Variants in PCDHGB3 observed in about 807,000 individuals in gnomAD.
The protein encoded by PCDHGB3 is protocadherin gamma subfamily B, 3.
A neutral mutation model predicts 59.2 loss-of-function variants in PCDHGB3; 40 were observed. That is an observed-to-expected ratio of 0.68 (90% CI 0.52 to 0.88). PCDHGB3 has a LOEUF of 0.88. Among genes scored for constraint, PCDHGB3 ranks in the 40% least tolerant of loss-of-function variants. The pLI, the probability that PCDHGB3 is intolerant of heterozygous loss-of-function variation, is 0.00. For synonymous variants in PCDHGB3, 581 were observed against 503.6 expected (o/e 1.15, Z -2.06); for missense variants, 1,309 against 1,187.9 (o/e 1.10, Z -1.50).
chr5:141,392,628 A>T (rs2092566593), intron 1 of PCDHGB3: 1 of 588,334 alleles, frequency 1.7e-6, no homozygotes, highest in South Asian at 2.7e-5. Context: ...AAACACTCAG[A>T]TCTCACACCT....
Position 141,485,089 on chromosome 5 carries a change from G to A in PCDHGB3, c.2416-9718G>A. The stretch of plus-strand genomic sequence containing the variant: ...GAGCTGGCGCGGGGAAAGGGAGATA[G>A]GTGTCTCCAGCTGCTGTGGCTGTTT... On this transcript the variant is annotated intron_variant, in intron 1 of 3. Coordinates refer to ENST00000576222, the MANE Select transcript of PCDHGB3 (RefSeq NM_018924.5). This position sits in a 1 kb window ranked among gnomAD's most constrained non-coding sequence, Gnocchi z 5.7. 1 of 1,027,236 alleles carries A rather than the reference G, an allele frequency of 9.7e-7. No homozygotes were observed. The highest frequency in any genetic ancestry group is 1.5e-6 in the Non-Finnish European group (1 of 674,564). 63.6% of individuals were successfully genotyped at this position (1,027,236 alleles called of 1,614,324 possible). A position where few individuals can be genotyped will look rare whatever the true frequency, so the allele number is the denominator to read the frequency against.
intron 1 of PCDHGB3, chr5:141,403,819 T>A (rs1264553327): frequency 1.2e-6 from 2 of 1,613,784 alleles, no homozygotes; most frequent in Admixed American, 3.3e-5. Flanking sequence ...AAAAACAATC[T>A]CTGCTATTCC....
intron 1 of PCDHGB3, among the ~76,000 whole-genome samples, chr5:141,454,796 ATTTTTTTTT>A (rs61612330): frequency 1.2e-4 from 9 of 77,408 alleles, no homozygotes; most frequent in Admixed American, 5.4e-4. Context: ...CATGGTTCTA[ATTTTTTTTT>A]TTTTTTTTTT....
Position 141,489,978 on chromosome 5 carries a change from T to C in PCDHGB3, c.2416-4829T>C. 6.2e-7 allele frequency: 1 copy of C among 1,614,192 alleles called. No homozygotes were observed. Among genetic ancestry groups the C allele is most frequent in the Non-Finnish European group, 8.5e-7 (1 of 1,180,012 alleles). On this transcript the variant is annotated intron_variant, in intron 1 of 3. Coordinates refer to ENST00000576222, the MANE Select transcript of PCDHGB3 (RefSeq NM_018924.5). The surrounding 1 kb of genome is among the most constrained non-coding windows in gnomAD (Gnocchi z 4.5). ...ATGCTCCAACCTTCCAATCCTCAGT[T>C]CTACGTGTGGGAATCCCAGAGAATG...
intron 1 of PCDHGB3, chr5:141,395,163 G>T: frequency 6.2e-7 from 1 of 1,614,160 alleles, no homozygotes; most frequent in Non-Finnish European, 8.5e-7. Context: ...CAGTCAGGAG[G>T]GCTGTGAGAA....
At chr5:141,450,152 A>G (rs958894990) in intron 1 of PCDHGB3, among the ~76,000 whole-genome samples, 1 of 151,132 alleles carries the variant, frequency 6.6e-6, no homozygotes, top group East Asian at 2.0e-4. Context: ...GACTACAGGC[A>G]TGTGCCACCA....
chr5:141,373,373 C>T (rs1171696467), intron 1 of PCDHGB3, among the ~76,000 whole-genome samples: 1 of 152,142 alleles, frequency 6.6e-6, no homozygotes, highest in East Asian at 1.9e-4. Flanking sequence ...TGAATTGGTT[C>T]AAAATGTGTT....
intron 1 of PCDHGB3, chr5:141,376,482 C>T (rs768933228): frequency 4.3e-6 from 7 of 1,614,148 alleles, no homozygotes; most frequent in South Asian, 1.1e-5. Context: ...TTACTTGAAA[C>T]GAAAGGAGAA....
chr5:141,441,883 A>T, intron 1 of PCDHGB3: 1 of 343,546 alleles, frequency 2.9e-6, no homozygotes, highest in South Asian at 2.6e-5. Context: ...CTACCTGGTC[A>T]CCAAGGTGGT....
At position 141,371,500 on chromosome 5, in the gene PCDHGB3, T is replaced by C; in HGVS notation, c.1106T>C (p.Ile369Thr). 3.1e-6 allele frequency: 5 copies of C among 1,613,872 alleles called. No homozygotes were observed. The highest frequency in any genetic ancestry group is 1.1e-5 in the South Asian group (1 of 91,072). ...GAGCTGGGGACTGCCGTTGCCCTGA[T>C]CAAAACACATGATCTAGATTCTGGA... ...DAELGTAVALIKTHDLDSGFN... is the reference protein window; with the variant it reads ...DAELGTAVALTKTHDLDSGFN... The change falls in exon 1 of 4, where the codon ATC becomes ACC. Residue 369 changes from isoleucine to threonine, a missense_variant. By Grantham distance (89) the Ile-to-Thr change is moderately conservative. Transcript: ENST00000576222.
intron 1 of PCDHGB3, chr5:141,415,325 C>T (rs1046074461): frequency 2.2e-5 from 35 of 1,614,212 alleles, no homozygotes; most frequent in East Asian, 6.7e-5. Context: ...GTGCTGCTGG[C>T]GCACAGGCTG....
intron 1 of PCDHGB3, among the ~76,000 whole-genome samples, chr5:141,386,184 C>T (rs1402266173): frequency 6.6e-6 from 1 of 152,164 alleles, no homozygotes; most frequent in Non-Finnish European, 1.5e-5. Context: ...ATCTTATGTA[C>T]ACAGATCCTA....
chr5:141,389,597 G>A (rs372987681), intron 1 of PCDHGB3: 95 of 1,613,008 alleles, frequency 5.9e-5, no homozygotes, highest in Non-Finnish European at 7.5e-5. Context: ...ACGGCTCTGC[G>A]CTCTTCGATA....
Position 141,476,974 on chromosome 5 carries a change from C to G in PCDHGB3, c.2416-17833C>G. 1 of 1,614,268 alleles carries G rather than the reference C, an allele frequency of 6.2e-7. No homozygotes were observed. The highest frequency in any genetic ancestry group is 1.3e-5 in the African/African-American group (1 of 75,080). On this transcript the variant is annotated intron_variant, in intron 1 of 3. Coordinates refer to ENST00000576222, the MANE Select transcript of PCDHGB3 (RefSeq NM_018924.5). This position sits in a 1 kb window ranked among gnomAD's most constrained non-coding sequence, Gnocchi z 7.6. ...AAATTATTTACTCCTTCGGCAGCCA[C>G]AACCGCGCCGGCGTGCGGCAACTAT...
At chr5:141,497,307 C>T (rs1295364802) in intron 2 of PCDHGB3, among the ~76,000 whole-genome samples, 1 of 152,096 alleles carries the variant, frequency 6.6e-6, no homozygotes, top group Non-Finnish European at 1.5e-5. Flanking sequence ...CCAGGCCATA[C>T]ACTGGCTTTG....
rs1452583584 is a variant in PCDHGB3 at position 141,371,867 on chromosome 5, C to G, written c.1473C>G (p.Ile491Met). The change falls in exon 1 of 4, where the codon ATC becomes ATG. Residue 491 changes from isoleucine to methionine, a missense_variant. Coordinates refer to ENST00000576222, the MANE Select transcript of PCDHGB3 (RefSeq NM_018924.5). ...CTAATGGCCTTGTCTCCTACTACAT[C>G]GTGGCCAGTGACCTGGAGCCGCGGG... ...LGPNGLVSYY[I>M]VASDLEPREL... 6.2e-7 allele frequency: 1 copy of G among 1,613,548 alleles called. No homozygotes were observed. Among genetic ancestry groups the G allele is most frequent in the Non-Finnish European group, 8.5e-7 (1 of 1,179,908 alleles).
In PCDHGB3 at chr5:141,489,129, T is replaced by G; in HGVS notation, c.2416-5678T>G. On this transcript the variant is annotated intron_variant, in intron 1 of 3. Coordinates refer to ENST00000576222, the MANE Select transcript of PCDHGB3 (RefSeq NM_018924.5). This position sits in a 1 kb window ranked among gnomAD's most constrained non-coding sequence, Gnocchi z 4.5. ...AAGCAGGCAAACCTCCGAGCAGTTT[T>G]TAAGAGGCTGGAAGGAGACATAAGA... 1 of 761,976 alleles carries G rather than the reference T, an allele frequency of 1.3e-6. No homozygotes were observed. The highest frequency in any genetic ancestry group is 2.0e-6 in the Non-Finnish European group (1 of 490,014). The allele number at this position is 761,976 out of a possible 1,614,324, so 47.2% of individuals were successfully genotyped here.
At chr5:141,398,878 C>T in intron 1 of PCDHGB3, 2 of 1,613,968 alleles carry the variant, frequency 1.2e-6, no homozygotes, top group Non-Finnish European at 1.7e-6. Context: ...CAGAGTCAGC[C>T]TTCGGGAAAA....
rs533830391 is a variant in PCDHGB3, at chr5:141,492,559, C to T, written c.2416-2248C>T. 4.6e-5 allele frequency among the ~76,000 whole-genome samples: 7 copies of T among 152,292 alleles called. No homozygotes were observed. The East Asian group carries it at 1.4e-3, about 29-fold the overall frequency. The stretch of plus-strand genomic sequence containing the variant: ...GGGCTGGGCCGGGTCGCCTGGGGGG[C>T]GGCCTGAGCGAGGCGCGGGGCCAGG... On this transcript the variant is annotated intron_variant, in intron 1 of 3. Coordinates refer to ENST00000576222, the MANE Select transcript of PCDHGB3 (RefSeq NM_018924.5).
Sources: allele counts gnomAD v4.1 joint callset (sites outside exome capture counted in the v4.1 genomes callset), GRCh38; gene constraint gnomAD v4.1.1; non-coding constraint Gnocchi (gnomAD v3.1); transcripts MANE v1.5; gene names NCBI Gene and HGNC (gene_info 2026-07-23, HGNC 2026-07-21).